The following ATG7 variants were observed in gnomAD, a reference collection of about 807,000 sequenced individuals.
The protein encoded by ATG7 is ubiquitin-like modifier-activating enzyme ATG7.
ATG7 carries 70 observed loss-of-function variants against 82.4 expected under a neutral mutation model. That is an observed-to-expected ratio of 0.85 (90% confidence interval 0.70 to 1.04). ATG7 has a LOEUF of 1.04. ATG7 is among the 50% of genes least tolerant of loss of function. The pLI, the probability that ATG7 is intolerant of heterozygous loss-of-function variation, is 0.00. For missense variants in ATG7, 792 were observed against 864.3 expected, an observed-to-expected ratio of 0.92 and a Z score of 1.05; for synonymous variants, 287 against 313.0, an observed-to-expected ratio of 0.92 and a Z score of 0.88.
chr3:11,460,745 C>G (rs1576574697), intron 20 of ATG7, among the ~76,000 whole-genome samples: 1 of 152,156 alleles, frequency 6.6e-6, no homozygotes, highest in African/African-American at 2.4e-5. Flanking sequence ...CAAATAATAT[C>G]TATACAGTGA....
intron 13 of ATG7, among the ~76,000 whole-genome samples, chr3:11,343,272 A>G (rs986130328): frequency 1.3e-5 from 2 of 152,204 alleles, no homozygotes; most frequent in Non-Finnish European, 2.9e-5. Context: ...AATGTTACAC[A>G]TATGAGACAC....
At position 11,301,060 on chromosome 3, in the gene ATG7, A is replaced by G. The variant is rs138599786; in HGVS notation, c.215+1644A>G. On this transcript the variant is annotated intron_variant, in intron 5 of 20. Coordinates refer to ENST00000693202, the MANE Select transcript of ATG7 (RefSeq NM_001349232.2). ...GCTCTAATTAGGGAGGTGAAAGATG[A>G]TACAGAACTAGCGAAGGACACAGGG... 1.2e-4 allele frequency among the ~76,000 whole-genome samples: 19 copies of G among 152,336 alleles called. No individual in the cohort carries two copies. In the East Asian group the frequency reaches 3.7e-3, roughly 29 times the overall value.
intron 20 of ATG7, among the ~76,000 whole-genome samples, chr3:11,486,746 A>C (rs1357843605): frequency 6.6e-6 from 1 of 151,990 alleles, no homozygotes; most frequent in African/African-American, 2.4e-5. Flanking sequence ...TTTTAGTATG[A>C]AGGGTTGTTG....
intron 20 of ATG7, among the ~76,000 whole-genome samples, chr3:11,517,604 G>A (rs908902032): frequency 6.6e-6 from 1 of 152,202 alleles, no homozygotes; most frequent in Non-Finnish European, 1.5e-5. Flanking sequence ...GGAGGGTACT[G>A]CCTGGCCCTG....
intron 20 of ATG7, among the ~76,000 whole-genome samples, chr3:11,528,814 A>C (rs2092636863): frequency 7.1e-6 from 1 of 140,888 alleles, no homozygotes; most frequent in African/African-American, 2.8e-5. Context: ...CGACAGAGCA[A>C]GACTCCATCT....
At chr3:11,551,490 C>T (rs1376335413) in intron 20 of ATG7, among the ~76,000 whole-genome samples, 7 of 152,250 alleles carry the variant, frequency 4.6e-5, no homozygotes, top group African/African-American at 9.6e-5. Flanking sequence ...AGAGATTCTT[C>T]TAGGACTGTC....
At chr3:11,452,782 G>T (rs145837418) in intron 20 of ATG7, among the ~76,000 whole-genome samples, 1 of 152,210 alleles carries the variant, frequency 6.6e-6, no homozygotes, top group Non-Finnish European at 1.5e-5. Context: ...CACTTTTCTT[G>T]ATAGGAGATA....
chr3:11,321,434 GCAGCTGGTCACTCATA>G lies in ATG7; in HGVS notation c.678+5944_678+5959del, dbSNP rs1559390486. On this transcript the variant is annotated intron_variant, in intron 9 of 20. Coordinates refer to ENST00000693202, the MANE Select transcript of ATG7 (RefSeq NM_001349232.2). Reference sequence around the variant, plus strand: ...TCTCAGTTTTGACCGTGACCAGCATGCAGCTGGTCACTCATACATGTTATCACTTATCCTTACATGC... The same window carrying G: ...TCTCAGTTTTGACCGTGACCAGCATGCATGTTATCACTTATCCTTACATGC... Among the ~76,000 whole-genome samples the G allele has an allele frequency of 2.6e-5, 4 of 152,118 alleles. No homozygotes were observed. In the East Asian group the frequency reaches 7.7e-4, roughly 29 times the overall value.
chr3:11,455,636 A>G (rs1192940331), intron 20 of ATG7, among the ~76,000 whole-genome samples: 1 of 152,190 alleles, frequency 6.6e-6, no homozygotes, highest in East Asian at 1.9e-4. Flanking sequence ...AACCAGGAGC[A>G]CTTGTAAGGC....
At chr3:11,473,639 G>A (rs941200825) in intron 20 of ATG7, among the ~76,000 whole-genome samples, 1 of 152,210 alleles carries the variant, frequency 6.6e-6, no homozygotes, top group Non-Finnish European at 1.5e-5. Context: ...GAAACAATGA[G>A]AGTGAATTTA....
At chr3:11,452,978 T>C (rs1379342632) in intron 20 of ATG7, among the ~76,000 whole-genome samples, 1 of 152,154 alleles carries the variant, frequency 6.6e-6, no homozygotes, top group Non-Finnish European at 1.5e-5. Flanking sequence ...TAGCAGTCCA[T>C]TGGGCCCAAT....
chr3:11,359,138 C>T (rs2076122544), intron 15 of ATG7, among the ~76,000 whole-genome samples: 1 of 151,810 alleles, frequency 6.6e-6, no homozygotes, highest in African/African-American at 2.4e-5. Flanking sequence ...TCTTAAGTAT[C>T]TACTTATCTG....
intron 20 of ATG7, among the ~76,000 whole-genome samples, chr3:11,462,741 C>A (rs535333239): frequency 2.6e-5 from 4 of 152,220 alleles, no homozygotes; most frequent in South Asian, 2.1e-4. Context: ...GCCACCCCCC[C>A]AGGGGCAGTC....
chr3:11,366,527 C>T (rs538272652), intron 18 of ATG7, among the ~76,000 whole-genome samples: 7 of 152,246 alleles, frequency 4.6e-5, no homozygotes, highest in South Asian at 4.2e-4. Flanking sequence ...TTTATGCTGT[C>T]GTATCTCATT....
intron 3 of ATG7, among the ~76,000 whole-genome samples, chr3:11,288,978 C>G (rs1172875740): frequency 6.6e-6 from 1 of 152,168 alleles, no homozygotes; most frequent in Non-Finnish European, 1.5e-5. Flanking sequence ...GAATCCCTAT[C>G]AAAACCTTTC....
At chr3:11,301,842 A>G (rs528678993) in intron 5 of ATG7, among the ~76,000 whole-genome samples, 1 of 152,312 alleles carries the variant, frequency 6.6e-6, no homozygotes, top group East Asian at 1.9e-4. Flanking sequence ...TTATCCTTCT[A>G]CTGGACTGTT....
chr3:11,437,636 A>G (rs1293966279), intron 20 of ATG7, among the ~76,000 whole-genome samples: 1 of 152,214 alleles, frequency 6.6e-6, no homozygotes, highest in Non-Finnish European at 1.5e-5. Flanking sequence ...TGAAAAGTAC[A>G]GTGAATACCC....
chr3:11,461,748 C>A (rs1052297966), intron 20 of ATG7, among the ~76,000 whole-genome samples: 1 of 152,126 alleles, frequency 6.6e-6, no homozygotes, highest in Non-Finnish European at 1.5e-5. Context: ...GACTCTGGGC[C>A]GGGCGCAGTG....
intron 14 of ATG7, 181 bp downstream of exon 14, chr3:11,348,216 C>G: frequency 1.2e-6 from 1 of 818,096 alleles, no homozygotes; most frequent in Non-Finnish European, 1.8e-6. Context: ...ACAACCAGGT[C>G]AGGCATGGTG....
Sources: allele counts gnomAD v4.1 joint callset (sites outside exome capture counted in the v4.1 genomes callset), GRCh38; gene constraint gnomAD v4.1.1; transcripts MANE v1.5; gene names NCBI Gene and HGNC (gene_info 2026-07-23, HGNC 2026-07-21).